The following PCCA variants were observed in gnomAD, a reference collection of about 807,000 sequenced individuals.
PCCA encodes the protein propionyl-CoA carboxylase alpha chain, mitochondrial.
A neutral mutation model predicts 101.3 loss-of-function variants in PCCA; 74 were observed. The ratio of observed to expected loss-of-function variants is 0.73; its 90% confidence interval spans 0.61 to 0.89. PCCA has a LOEUF of 0.89. Ranked by LOEUF, PCCA falls within the 40% of genes least tolerant of loss-of-function variation. The pLI is 0.00. For missense variants in PCCA, 891 were observed against 907.0 expected (o/e 0.98, Z 0.23); for synonymous variants, 294 against 313.6 (o/e 0.94, Z 0.66).
At chr13:100,512,396 C>G (rs954518473) in intron 21 of PCCA, among the ~76,000 whole-genome samples, 1 of 152,306 alleles carries the variant, frequency 6.6e-6, no homozygotes, top group South Asian at 2.1e-4. Flanking sequence ...CCATTACTGT[C>G]GTGTGTGGGT....
intron 19 of PCCA, among the ~76,000 whole-genome samples, chr13:100,411,070 A>G (rs1472885679): frequency 6.6e-6 from 1 of 152,160 alleles, no homozygotes; most frequent in Non-Finnish European, 1.5e-5. Flanking sequence ...GTTTGGAATC[A>G]GAGGTATCAA....
At chr13:100,479,475 C>A (rs928630506) in intron 21 of PCCA, 3 of 152,170 alleles carry the variant, frequency 2.0e-5, no homozygotes, top group Admixed American at 2.0e-4. Flanking sequence ...AACATACAGT[C>A]ATTTAGCACG....
At chr13:100,240,745 C>T (rs1403077797) in intron 8 of PCCA, among the ~76,000 whole-genome samples, 2 of 152,142 alleles carry the variant, frequency 1.3e-5, no homozygotes, top group African/African-American at 4.8e-5. Flanking sequence ...TGTTCATATA[C>T]TAATCCATTT....
intron 20 of PCCA, among the ~76,000 whole-genome samples, chr13:100,440,234 A>G (rs1297268469): frequency 7.1e-6 from 1 of 141,460 alleles, no homozygotes; most frequent in Non-Finnish European, 1.5e-5. Flanking sequence ...TAAAATGCCC[A>G]GTGGGCCTAT....
At position 100,336,100 on chromosome 13, in the gene PCCA, T is replaced by TA. The variant is rs572029238; in HGVS notation, c.1541-4052dup. On this transcript the variant is annotated intron_variant, in intron 17 of 23. Coordinates refer to ENST00000376285, the MANE Select transcript of PCCA (RefSeq NM_000282.4). ...TAATGTGGAGAAACCCCGTCTCTAC[T>TA]AAAAATACAAAATTAGCCGGGCATG... 5.1e-3 allele frequency among the ~76,000 whole-genome samples: 778 copies of TA among 152,132 alleles called. 5 individuals carry two copies. Among genetic ancestry groups the TA allele is most frequent in the African/African-American group, 0.018 (748 of 41,510 alleles).
intron 4 of PCCA, among the ~76,000 whole-genome samples, chr13:100,137,426 C>T (rs990972005): frequency 1.3e-5 from 2 of 152,162 alleles, no homozygotes; most frequent in South Asian, 2.1e-4. Context: ...ACTTGTCTTT[C>T]TTTTGAGAGT....
intron 19 of PCCA, among the ~76,000 whole-genome samples, chr13:100,380,783 A>G (rs1384329843): frequency 6.6e-6 from 1 of 152,252 alleles, no homozygotes; most frequent in Non-Finnish European, 1.5e-5. Context: ...TTCAAAGGAC[A>G]CTAACAGGAA....
chr13:100,443,241 A>C (rs978048169), intron 20 of PCCA, among the ~76,000 whole-genome samples: 1 of 152,158 alleles, frequency 6.6e-6, no homozygotes, highest in African/African-American at 2.4e-5. Context: ...AAATTAAAGA[A>C]GAATGTTTCA....
At chr13:100,267,202 A>G (rs1413919594) in intron 10 of PCCA, among the ~76,000 whole-genome samples, 3 of 152,158 alleles carry the variant, frequency 2.0e-5, no homozygotes, top group African/African-American at 7.2e-5. Flanking sequence ...GAGACTGTCT[A>G]CTTTTACTTT....
intron 21 of PCCA, chr13:100,491,940 G>A (rs969907711): frequency 2.2e-5 from 5 of 227,930 alleles, no homozygotes; most frequent in African/African-American, 4.7e-5. Context: ...TAATGATGCC[G>A]AATTGTAATC....
intron 19 of PCCA, among the ~76,000 whole-genome samples, chr13:100,389,087 A>T (rs2076669577): frequency 6.6e-6 from 1 of 152,186 alleles, no homozygotes. Flanking sequence ...GTTGAGGGGG[A>T]CAAGGATGAA....
intron 21 of PCCA, among the ~76,000 whole-genome samples, chr13:100,454,217 C>T (rs1181973894): frequency 6.6e-6 from 1 of 152,138 alleles, no homozygotes; most frequent in African/African-American, 2.4e-5. Context: ...TCCTCTGCCC[C>T]TAATAAATCA....
chr13:100,489,642 G>A (rs549918062), intron 21 of PCCA, among the ~76,000 whole-genome samples: 304 of 152,316 alleles, frequency 2.0e-3, no homozygotes, highest in Non-Finnish European at 3.5e-3. Context: ...ATTGTTAACT[G>A]AAAGTGACGG....
chr13:100,137,721 C>T (rs2051350155), intron 4 of PCCA, among the ~76,000 whole-genome samples: 1 of 151,542 alleles, frequency 6.6e-6, no homozygotes, highest in South Asian at 2.1e-4. Flanking sequence ...CTACATATGT[C>T]ATTATATTTG....
Position 100,209,438 on chromosome 13 carries a change from T to G in PCCA, c.575T>G (p.Ile192Ser). The change falls in exon 7 of 24, where the codon ATC (isoleucine) becomes AGC (serine). Residue 192 changes from isoleucine (I) to serine (S), a missense_variant. Coordinates refer to ENST00000376285, the MANE Select transcript of PCCA (RefSeq NM_000282.4). ...GCTAAGAAAGCAGAGGTTAATACAATCCCTGGCTTTGATGGAGTAGTCAAG... is the reference window on the plus strand; with the variant it reads ...GCTAAGAAAGCAGAGGTTAATACAAGCCCTGGCTTTGATGGAGTAGTCAAG... ...LLAKKAEVNT[I>S]PGFDGVVKDA... 6.2e-7 allele frequency: 1 copy of G among 1,613,316 alleles called. No individual in the cohort carries two copies. The highest frequency in any genetic ancestry group is 8.5e-7 in the Non-Finnish European group (1 of 1,179,282).
chr13:100,530,302 A>C lies in PCCA; in HGVS notation c.*136A>C. On this transcript the variant is annotated 3_prime_UTR_variant, in exon 24 of 24. Coordinates refer to ENST00000376285, the MANE Select transcript of PCCA (RefSeq NM_000282.4). The stretch of plus-strand genomic sequence containing the variant: ...ACGTCGTCATTTATTCCACAGAGTC[A>C]AGACCAATATTCTGCCAAAAAATCA... 2.2e-5 allele frequency: 17 copies of C among 758,164 alleles called. 1 individual carries two copies. Among genetic ancestry groups the C allele is most frequent in the Middle Eastern group, 2.4e-4 (1 of 4,248 alleles). 47.0% of individuals were successfully genotyped at this position (758,164 alleles called of 1,614,324 possible). A position where few individuals can be genotyped will look rare whatever the true frequency, so the allele number is the denominator to read the frequency against.
At chr13:100,467,792 T>C (rs955979335) in intron 21 of PCCA, among the ~76,000 whole-genome samples, 10 of 152,230 alleles carry the variant, frequency 6.6e-5, no homozygotes, top group Non-Finnish European at 1.0e-4. Flanking sequence ...CCATGAGGGT[T>C]AGAATCCAGT....
intron 10 of PCCA, among the ~76,000 whole-genome samples, chr13:100,265,762 C>T (rs1284204523): frequency 2.6e-5 from 4 of 151,932 alleles, no homozygotes; most frequent in African/African-American, 9.7e-5. Context: ...CAGAATTTTA[C>T]TCTCTCTCCC....
In PCCA at chr13:100,330,484, A is replaced by G. The variant is rs141133235; in HGVS notation, c.1430-77A>G. On this transcript the variant is annotated intron_variant, in intron 16 of 23. Transcript: ENST00000376285. Reference sequence around the variant, plus strand: ...TCTGCTAGGTCATAGAACAGTGATGATAAATTTCTCCAGATTATCAGAATT... The same window carrying G: ...TCTGCTAGGTCATAGAACAGTGATGGTAAATTTCTCCAGATTATCAGAATT... 2.6e-4 allele frequency: 230 copies of G among 868,142 alleles called. No homozygotes were observed. In the East Asian group the frequency reaches 4.7e-3, roughly 18 times the overall value. The allele number at this position is 868,142 out of a possible 1,614,324, so 53.8% of individuals were successfully genotyped here.
Sources: allele counts gnomAD v4.1 joint callset (sites outside exome capture counted in the v4.1 genomes callset), GRCh38; gene constraint gnomAD v4.1.1; transcripts MANE v1.5; gene names NCBI Gene and HGNC (gene_info 2026-07-23, HGNC 2026-07-21).